The following SUMF1 variants were observed in gnomAD, a reference collection of about 807,000 sequenced individuals.
The protein encoded by SUMF1 is sulfatase modifying factor 1, also known as formylglycine-generating enzyme.
SUMF1 carries 48 observed loss-of-function variants against 47.6 expected under a neutral mutation model. The observed-to-expected ratio is 1.01, with a 90% CI of 0.80 to 1.28. The LOEUF (loss-of-function observed/expected upper bound fraction) is 1.28. Among genes scored for constraint, SUMF1 ranks in the 50% most tolerant of loss-of-function variants. SUMF1 has a pLI of 0.00. For missense variants in SUMF1, 571 were observed against 485.4 expected (o/e 1.18, Z -1.66); for synonymous variants, 230 against 192.1 (o/e 1.20, Z -1.63).
intron 8 of SUMF1, among the ~76,000 whole-genome samples, chr3:4,134,770 T>TA (rs1223305121): frequency 3.2e-4 from 48 of 151,950 alleles, no homozygotes; most frequent in African/African-American, 1.1e-3. Flanking sequence ...ATAGTGGCAA[T>TA]AAAAAATGAT....
At chr3:4,332,002 A>G (rs145562549) in intron 8 of SUMF1, among the ~76,000 whole-genome samples, 336 of 152,318 alleles carry the variant, frequency 2.2e-3, no homozygotes, top group Non-Finnish European at 3.5e-3. Flanking sequence ...TTTTTATTTT[A>G]CCAATAATTT....
intron 8 of SUMF1, among the ~76,000 whole-genome samples, chr3:4,219,146 A>G (rs1696007393): frequency 6.6e-6 from 1 of 152,178 alleles, no homozygotes; most frequent in Non-Finnish European, 1.5e-5. Context: ...TCTCCTGAAC[A>G]AGATTCTTGT....
intron 1 of SUMF1, among the ~76,000 whole-genome samples, chr3:4,460,295 A>G (rs888251376): frequency 6.6e-6 from 1 of 152,186 alleles, no homozygotes; most frequent in Non-Finnish European, 1.5e-5. Flanking sequence ...TGTTCACTAT[A>G]TACTCTTCTA....
intron 3 of SUMF1, among the ~76,000 whole-genome samples, chr3:4,444,645 C>T (rs1034115276): frequency 1.3e-5 from 2 of 151,986 alleles, no homozygotes; most frequent in African/African-American, 4.8e-5. Context: ...TCTATCATCC[C>T]CTGTGTCCTT....
chr3:4,387,005 T>C (rs116168327), intron 7 of SUMF1, among the ~76,000 whole-genome samples: 1 of 152,042 alleles, frequency 6.6e-6, no homozygotes, highest in African/African-American at 2.4e-5. Context: ...TGCTAACATT[T>C]TGTTAAGGAT....
chr3:4,039,716 T>C (rs1308275007), intron 9 of SUMF1, among the ~76,000 whole-genome samples: 1 of 152,114 alleles, frequency 6.6e-6, no homozygotes, highest in Non-Finnish European at 1.5e-5. Flanking sequence ...CTAATGACTA[T>C]AGTTAATTAT....
At chr3:4,211,199 C>CATATATATAT (rs3046224) in intron 8 of SUMF1, among the ~76,000 whole-genome samples, 6,845 of 84,222 alleles carry the variant, frequency 0.081, 649 homozygotes, top group Non-Finnish European at 0.1. Context: ...CATATACATA[C>CATATATATAT]ATACATATAT....
intron 9 of SUMF1, among the ~76,000 whole-genome samples, chr3:4,058,982 A>C (rs766708439): frequency 8.5e-5 from 13 of 152,144 alleles, no homozygotes; most frequent in Non-Finnish European, 1.5e-4. Context: ...GCATTCAACA[A>C]AGCTGTAAAT....
At chr3:4,122,900 C>T (rs1472269931) in intron 8 of SUMF1, among the ~76,000 whole-genome samples, 1 of 152,166 alleles carries the variant, frequency 6.6e-6, no homozygotes, top group Non-Finnish European at 1.5e-5. Context: ...CGTTGCAACA[C>T]CTCGGCATCA....
At chr3:4,249,943 G>A (rs1696756898) in intron 8 of SUMF1, among the ~76,000 whole-genome samples, 1 of 152,156 alleles carries the variant, frequency 6.6e-6, no homozygotes, top group African/African-American at 2.4e-5. Flanking sequence ...AGCACTTGGG[G>A]GAGGCCGAGG....
chr3:4,466,567 C>A (rs971662260), intron 1 of SUMF1, among the ~76,000 whole-genome samples: 1 of 152,172 alleles, frequency 6.6e-6, no homozygotes, highest in Non-Finnish European at 1.5e-5. Flanking sequence ...TGTCCTCAAG[C>A]AGAGTGTACT....
intron 8 of SUMF1, among the ~76,000 whole-genome samples, chr3:4,123,896 T>C (rs1158186639): frequency 6.6e-6 from 1 of 152,090 alleles, no homozygotes; most frequent in Non-Finnish European, 1.5e-5. Flanking sequence ...TGATCAGACA[T>C]GGGGACTCGA....
chr3:4,378,415 GA>G (rs1700395817), intron 7 of SUMF1, among the ~76,000 whole-genome samples: 1 of 152,162 alleles, frequency 6.6e-6, no homozygotes, highest in South Asian at 2.1e-4. Flanking sequence ...GTAAGTAGGG[GA>G]CTGTCTGTGC....
intron 8 of SUMF1, among the ~76,000 whole-genome samples, chr3:4,346,283 A>T (rs899826435): frequency 3.3e-5 from 5 of 152,192 alleles, no homozygotes; most frequent in African/African-American, 1.2e-4. Flanking sequence ...TGGAAGTAAA[A>T]CACTCCTCAG....
chr3:4,229,527 T>A lies in SUMF1; in HGVS notation c.1014+146803A>T, dbSNP rs538322998. 1.2e-3 allele frequency among the ~76,000 whole-genome samples: 179 copies of A among 152,226 alleles called. 1 individual carries two copies. Among genetic ancestry groups the A allele is most frequent in the Non-Finnish European group, 2.2e-3 (152 of 67,994 alleles). On this transcript the variant is annotated intron_variant and NMD_transcript_variant, in intron 8 of 12. Transcript: ENST00000448413. ...CTATGAAATTACCTTGCTTAGGAGG[T>A]TGCTGTGAGGACTACATGAAATAAT...
intron 3 of SUMF1, among the ~76,000 whole-genome samples, chr3:4,438,649 A>G (rs1254462817): frequency 6.6e-6 from 1 of 152,186 alleles, no homozygotes; most frequent in Non-Finnish European, 1.5e-5. Context: ...GCTTTAATAT[A>G]TATAAAGCAA....
At chr3:4,221,103 T>C (rs1696050372) in intron 8 of SUMF1, among the ~76,000 whole-genome samples, 1 of 152,146 alleles carries the variant, frequency 6.6e-6, no homozygotes, top group African/African-American at 2.4e-5. Flanking sequence ...TCTGGTCACA[T>C]CAGAGAAGTG....
intron 7 of SUMF1, among the ~76,000 whole-genome samples, chr3:4,401,473 G>C (rs955336496): frequency 6.6e-6 from 1 of 152,074 alleles, no homozygotes; most frequent in South Asian, 2.1e-4. Flanking sequence ...ACTGTCAGCT[G>C]CAGCCTCCAT....
chr3:4,128,357 G>A (rs969471722), intron 8 of SUMF1, among the ~76,000 whole-genome samples: 2 of 152,098 alleles, frequency 1.3e-5, no homozygotes, highest in Non-Finnish European at 2.9e-5. Flanking sequence ...ATGAAGCAGG[G>A]GACACCGAGT....
Sources: gnomAD v4.1 joint callset for allele counts (sites outside exome capture counted in the v4.1 genomes callset) on GRCh38, gnomAD v4.1.1 for gene constraint, MANE v1.5 for transcripts, NCBI Gene and HGNC (gene_info 2026-07-23, HGNC 2026-07-21) for gene names.